Variants in FRMPD4 observed in about 807,000 individuals in gnomAD.
The protein encoded by FRMPD4 is FERM and PDZ domain-containing protein 4.
A neutral mutation model predicts 94.1 loss-of-function variants in FRMPD4; 22 were observed. The ratio of observed to expected loss-of-function variants is 0.23; its 90% CI spans 0.17 to 0.33. The LOEUF (loss-of-function observed/expected upper bound fraction) is 0.33. Among genes scored for constraint, FRMPD4 ranks in the 10% least tolerant of loss-of-function variants. The pLI is 1.00. For missense variants in FRMPD4, 1,111 were observed against 1,339.9 expected (o/e 0.83, Z 2.67); for synonymous variants, 631 against 548.6 (o/e 1.15, Z -2.10).
At chrX:12,496,180 A>G (rs1355135421) in intron 1 of FRMPD4, among the ~76,000 whole-genome samples, 1 of 112,256 alleles carries the variant, frequency 8.9e-6, no homozygotes. Flanking sequence ...TTTTGGTATA[A>G]GTATATCCTA....
chrX:11,955,080 C>T (rs757416723), intron 3 of FRMPD4, among the ~76,000 whole-genome samples: 6 of 111,273 alleles, frequency 5.4e-5, no homozygotes, highest in South Asian at 7.6e-4. Flanking sequence ...TTCTTATAGA[C>T]GGTGCATTCT....
intron 1 of FRMPD4, among the ~76,000 whole-genome samples, chrX:12,381,061 A>G (rs1303797259): frequency 7.1e-5 from 8 of 112,016 alleles, no homozygotes; most frequent in Non-Finnish European, 1.3e-4. Flanking sequence ...AACATATTCT[A>G]TATAAACTTT....
chrX:11,889,899 A>G (rs2053865057), intron 3 of FRMPD4, among the ~76,000 whole-genome samples: 2 of 112,303 alleles, frequency 1.8e-5, no homozygotes, highest in Admixed American at 1.9e-4. Context: ...GAATGCCAAG[A>G]AGGCAAAAAA....
At chrX:12,230,754 T>G (rs1273119324) in intron 1 of FRMPD4, among the ~76,000 whole-genome samples, 4 of 103,603 alleles carry the variant, frequency 3.9e-5, no homozygotes, top group Non-Finnish European at 5.8e-5. Context: ...TTCTAGTTAC[T>G]TCTAGTCTGC....
At chrX:12,375,322 T>C (rs1391792020) in intron 1 of FRMPD4, among the ~76,000 whole-genome samples, 2 of 112,764 alleles carry the variant, frequency 1.8e-5, no homozygotes, top group East Asian at 5.6e-4. Context: ...GTGACAGGGC[T>C]GGATTCTCTA....
At chrX:12,368,903 C>T (rs950256355) in intron 1 of FRMPD4, among the ~76,000 whole-genome samples, 4 of 111,398 alleles carry the variant, frequency 3.6e-5, no homozygotes, top group African/African-American at 1.3e-4. Context: ...CAAACAAAAA[C>T]CCATGATATG....
intron 4 of FRMPD4, among the ~76,000 whole-genome samples, chrX:12,656,724 G>C (rs779198604): frequency 8.9e-6 from 1 of 111,941 alleles, no homozygotes; most frequent in South Asian, 3.7e-4. Flanking sequence ...AGGAGCATGG[G>C]GGCTTCTGGG....
At chrX:12,559,753 TA>T (rs1467429440) in intron 2 of FRMPD4, among the ~76,000 whole-genome samples, 3 of 111,029 alleles carry the variant, frequency 2.7e-5, no homozygotes, top group Non-Finnish European at 5.7e-5. Flanking sequence ...AACAATAAAA[TA>T]AAAATTGTGT....
chrX:12,394,065 A>G lies in FRMPD4; in HGVS notation c.42-104615A>G, dbSNP rs762693807. Among the ~76,000 whole-genome samples, 3 of 112,084 alleles carry G rather than the reference A, an allele frequency of 2.7e-5. No individual in the cohort carries two copies. The South Asian group carries it at 1.1e-3, about 42-fold the overall frequency. On this transcript the variant is annotated intron_variant, in intron 1 of 16. Transcript: ENST00000675598. ...CCATATATGTGTGATAATAAGTTATATAAGTTATGTGTGATATAAGTTATA... is the reference window on the plus strand; with the variant it reads ...CCATATATGTGTGATAATAAGTTATGTAAGTTATGTGTGATATAAGTTATA...
intron 1 of FRMPD4, among the ~76,000 whole-genome samples, chrX:12,402,498 TCTC>T (rs1264089974): frequency 9.0e-6 from 1 of 111,695 alleles, no homozygotes; most frequent in African/African-American, 3.3e-5. Context: ...TTCCTTCTTG[TCTC>T]CTTTCTCTCC....
chrX:12,078,077 G>A (rs1460087829), intron 3 of FRMPD4, among the ~76,000 whole-genome samples: 4 of 111,341 alleles, frequency 3.6e-5, no homozygotes, highest in East Asian at 5.6e-4. Flanking sequence ...CCCTCAGGCC[G>A]TTGGGAGAAG....
intron 1 of FRMPD4, among the ~76,000 whole-genome samples, chrX:12,280,367 A>G (rs1278109007): frequency 9.1e-6 from 1 of 109,879 alleles, no homozygotes; most frequent in African/African-American, 3.3e-5. Context: ...CTGGTTGGAG[A>G]CCCAGGTTCT....
chrX:11,850,486 A>G (rs182341473), intron 1 of FRMPD4, among the ~76,000 whole-genome samples: 2 of 112,595 alleles, frequency 1.8e-5, no homozygotes, highest in African/African-American at 6.4e-5. Context: ...GATCTTGGAA[A>G]GATATTTGCA....
intron 1 of FRMPD4, among the ~76,000 whole-genome samples, chrX:12,356,633 A>C (rs909612832): frequency 1.8e-5 from 2 of 112,305 alleles, no homozygotes; most frequent in African/African-American, 3.2e-5. Flanking sequence ...ATACTTTAAA[A>C]AGGTAAACTT....
rs141821237 is a variant in FRMPD4, at chrX:12,420,262, G to C, written c.42-78418G>C. ...GCAATCTCCAAGCTCTGTGTCATCA[G>C]TGTCCTGAATCCTCAAAACAATCTG... On this transcript the variant is annotated intron_variant, in intron 1 of 16. Coordinates refer to ENST00000675598, the MANE Select transcript of FRMPD4 (RefSeq NM_001368397.1). Among the ~76,000 whole-genome samples, 934 of 111,707 alleles carry C rather than the reference G, an allele frequency of 8.4e-3. 8 individuals carry two copies. The highest frequency in any genetic ancestry group is 0.013 in the Non-Finnish European group (705 of 53,124).
intron 2 of FRMPD4, among the ~76,000 whole-genome samples, chrX:12,561,233 T>C: frequency 8.9e-6 from 1 of 112,540 alleles, no homozygotes; most frequent in African/African-American, 3.2e-5. Context: ...TGAGGACTGA[T>C]AAAATTCAAT....
chrX:11,887,343 C>G (rs919311031), intron 3 of FRMPD4, among the ~76,000 whole-genome samples: 4 of 111,398 alleles, frequency 3.6e-5, no homozygotes, highest in African/African-American at 1.3e-4. Flanking sequence ...TTCTGAGACA[C>G]GGCTAATCAC....
intron 2 of FRMPD4, among the ~76,000 whole-genome samples, chrX:12,504,136 T>C (rs938157374): frequency 8.9e-6 from 1 of 112,547 alleles, no homozygotes; most frequent in Non-Finnish European, 1.9e-5. Context: ...TTGTCTCTGC[T>C]AATAAAATGC....
chrX:11,893,099 G>A (rs771372828), intron 3 of FRMPD4, among the ~76,000 whole-genome samples: 19 of 111,473 alleles, frequency 1.7e-4, no homozygotes, highest in African/African-American at 6.2e-4. Flanking sequence ...ATGGTACTTC[G>A]GTACATTAGT....
Sources: gnomAD v4.1 joint callset for allele counts (sites outside exome capture counted in the v4.1 genomes callset) on GRCh38, gnomAD v4.1.1 for gene constraint, MANE v1.5 for transcripts, NCBI Gene and HGNC (gene_info 2026-07-23, HGNC 2026-07-21) for gene names.